The following GNAQ variants were observed in gnomAD, a reference collection of about 807,000 sequenced individuals.
GNAQ encodes the protein G protein subunit alpha q, also known as guanine nucleotide-binding protein G(q) subunit alpha.
GNAQ carries 8 observed loss-of-function variants against 43.9 expected under a neutral mutation model. That is an observed-to-expected ratio of 0.18 (90% CI 0.11 to 0.33). The LOEUF is 0.33. Among genes scored for constraint, GNAQ ranks in the 10% least tolerant of loss-of-function variants. GNAQ has a pLI of 1.00. For synonymous variants in GNAQ, 155 were observed against 170.7 expected (o/e 0.91, Z 0.71); for missense variants, 158 against 450.8 (o/e 0.35, Z 5.88).
Position 77,729,017 on chromosome 9 carries a change from T to G in GNAQ, c.736-350A>C, listed in dbSNP as rs531340341. On this transcript the variant is annotated intron_variant, in intron 5 of 6. Transcript: ENST00000286548. ...AAAATCATTCATTAATGACTAAATATTTGAGATCTGAACTAAGGACTAGAT... is the reference window on the plus strand; with the variant it reads ...AAAATCATTCATTAATGACTAAATAGTTGAGATCTGAACTAAGGACTAGAT... Among the ~76,000 whole-genome samples, 16 of 152,330 alleles carry G rather than the reference T, an allele frequency of 1.1e-4. No homozygotes were observed. The South Asian group carries it at 3.3e-3, about 32-fold the overall frequency.
At chr9:77,761,040 C>T (rs1826000333) in intron 5 of GNAQ, among the ~76,000 whole-genome samples, 2 of 151,740 alleles carry the variant, frequency 1.3e-5, no homozygotes, top group African/African-American at 4.8e-5. Flanking sequence ...GTGAGGAGCC[C>T]CTCCGCCCGG....
At chr9:77,985,232 G>A (rs1475372295) in intron 1 of GNAQ, among the ~76,000 whole-genome samples, 1 of 152,188 alleles carries the variant, frequency 6.6e-6, no homozygotes, top group Non-Finnish European at 1.5e-5. Context: ...AGAATGGCAT[G>A]AACCCAGGAG....
At chr9:77,956,506 G>A (rs1823042656) in intron 1 of GNAQ, among the ~76,000 whole-genome samples, 1 of 152,152 alleles carries the variant, frequency 6.6e-6, no homozygotes, top group South Asian at 2.1e-4. Context: ...CACTTTCAAA[G>A]CCATATATCC....
intron 1 of GNAQ, among the ~76,000 whole-genome samples, chr9:77,930,347 AT>A (rs780479763): frequency 2.6e-5 from 4 of 152,174 alleles, no homozygotes; most frequent in Non-Finnish European, 5.9e-5. Context: ...CATTTTAATT[AT>A]TTAAGGACTT....
chr9:77,810,178 T>G (rs550879017), intron 3 of GNAQ, among the ~76,000 whole-genome samples: 1 of 152,168 alleles, frequency 6.6e-6, no homozygotes, highest in Admixed American at 6.5e-5. Context: ...TACCTATCTA[T>G]CCATCTATCT....
At chr9:77,946,947 T>C (rs1822911154) in intron 1 of GNAQ, among the ~76,000 whole-genome samples, 1 of 152,254 alleles carries the variant, frequency 6.6e-6, no homozygotes, top group African/African-American at 2.4e-5. Context: ...AAATAAATTC[T>C]GTAACTTAAT....
chr9:77,763,251 T>C (rs529713648), intron 5 of GNAQ, among the ~76,000 whole-genome samples: 86 of 151,966 alleles, frequency 5.7e-4, no homozygotes, highest in African/African-American at 2.0e-3. Context: ...ATGTGTGTAG[T>C]ATTAAGGTAA....
chr9:77,958,905 T>C (rs1823073991), intron 1 of GNAQ, among the ~76,000 whole-genome samples: 1 of 152,218 alleles, frequency 6.6e-6, no homozygotes, highest in Non-Finnish European at 1.5e-5. Context: ...CTTTCATGAT[T>C]TTCCCCTTTT....
At chr9:77,768,809 A>G (rs1826174662) in intron 5 of GNAQ, among the ~76,000 whole-genome samples, 1 of 152,196 alleles carries the variant, frequency 6.6e-6, no homozygotes, top group Non-Finnish European at 1.5e-5. Flanking sequence ...GCTACTGAAG[A>G]TGTTCCAGGG....
In GNAQ at chr9:77,854,523, C is replaced by T. The variant is rs58392846; in HGVS notation, c.322-38753G>A. ...TTAATTGCTTCAGGTTTGGTCTGTT[C>T]ATGCTTACTCTTTCTCTTTAAATGG... On this transcript the variant is annotated intron_variant, in intron 2 of 6. Transcript: ENST00000286548. Among the ~76,000 whole-genome samples the T allele has an allele frequency of 2.4e-4, 37 of 152,318 alleles. No homozygotes were observed. The East Asian group carries it at 6.2e-3, about 25-fold the overall frequency.
intron 2 of GNAQ, among the ~76,000 whole-genome samples, chr9:77,908,157 T>C: frequency 6.6e-6 from 1 of 152,220 alleles, no homozygotes; most frequent in East Asian, 1.9e-4. Context: ...CTTTTTCTTC[T>C]GTCCCTTTGC....
rs866089276 is a variant in GNAQ, at chr9:77,786,303, G to A, written c.735+8160C>T. Among the ~76,000 whole-genome samples, 68 of 150,994 alleles carry A rather than the reference G, an allele frequency of 4.5e-4. No individual in the cohort carries two copies. The Middle Eastern group carries it at 0.017, about 38-fold the overall frequency. On this transcript the variant is annotated intron_variant, in intron 5 of 6. Coordinates refer to ENST00000286548, the MANE Select transcript of GNAQ (RefSeq NM_002072.5). ...TGAGGCAGGAGAATGGCGTGAACCC[G>A]GAAGGCAGAGCTTGCAGCGAGCCGA...
intron 1 of GNAQ, among the ~76,000 whole-genome samples, chr9:77,984,560 C>T (rs1412754638): frequency 2.6e-5 from 4 of 152,190 alleles, no homozygotes; most frequent in East Asian, 1.9e-4. Flanking sequence ...AGTATGAATT[C>T]GCATAATTTT....
chr9:77,815,840 A>G (rs1419723217), intron 2 of GNAQ, 70 bp from the exon 3 acceptor site: 5 of 941,010 alleles, frequency 5.3e-6, no homozygotes, highest in South Asian at 4.7e-5. Context: ...TGCATATTAC[A>G]TTATATACAA....
At chr9:77,757,767 GACTGTACACAA>G (rs1825928227) in intron 5 of GNAQ, among the ~76,000 whole-genome samples, 3 of 152,084 alleles carry the variant, frequency 2.0e-5, no homozygotes, top group Non-Finnish European at 4.4e-5. Flanking sequence ...CAATTTCACT[GACTGTACACAA>G]ACCTCCCATT....
intron 3 of GNAQ, among the ~76,000 whole-genome samples, chr9:77,814,816 T>G (rs768461989): frequency 6.6e-5 from 10 of 152,190 alleles, no homozygotes; most frequent in Non-Finnish European, 1.3e-4. Context: ...GATGCTGTAT[T>G]AATATAACTA....
At chr9:77,754,905 G>C (rs538869811) in intron 5 of GNAQ, among the ~76,000 whole-genome samples, 3 of 152,284 alleles carry the variant, frequency 2.0e-5, no homozygotes, top group African/African-American at 7.2e-5. Flanking sequence ...AGGAAAATCA[G>C]TGTATCAAAA....
chr9:77,788,917 G>A (rs554892057), intron 5 of GNAQ, among the ~76,000 whole-genome samples: 1 of 152,260 alleles, frequency 6.6e-6, no homozygotes, highest in South Asian at 2.1e-4. Flanking sequence ...TCCTTCCATG[G>A]CATCTCCTTC....
intron 6 of GNAQ, among the ~76,000 whole-genome samples, chr9:77,725,875 C>CTCTA (rs1211742751): frequency 6.6e-6 from 1 of 152,196 alleles, no homozygotes; most frequent in East Asian, 1.9e-4. Context: ...GGGCACCATG[C>CTCTA]TCTATCTGTT....
Sources: allele counts gnomAD v4.1 joint callset (sites outside exome capture counted in the v4.1 genomes callset), GRCh38; gene constraint gnomAD v4.1.1; transcripts MANE v1.5; gene names NCBI Gene and HGNC (gene_info 2026-07-23, HGNC 2026-07-21).